Variants in PTPRM observed in about 807,000 individuals in gnomAD.
The protein encoded by PTPRM is protein tyrosine phosphatase receptor type M, also known as receptor-type tyrosine-protein phosphatase mu.
In PTPRM, 47 loss-of-function variants were observed where a neutral mutation model predicts 186.7. The observed-to-expected ratio is 0.25, with a 90% CI of 0.20 to 0.32. PTPRM has a LOEUF of 0.32. PTPRM is among the 10% of genes least tolerant of loss of function. The pLI, the probability that PTPRM is intolerant of heterozygous loss-of-function variation, is 1.00. For synonymous variants in PTPRM, 668 were observed against 674.9 expected (o/e 0.99, Z 0.16); for missense variants, 1,494 against 1,865.0 (o/e 0.80, Z 3.66).
At chr18:7,633,283 C>T (rs2038234430) in intron 1 of PTPRM, among the ~76,000 whole-genome samples, 3 of 152,126 alleles carry the variant, frequency 2.0e-5, no homozygotes, top group African/African-American at 7.2e-5. Context: ...GCAACCATTC[C>T]TTGATGAAAT....
chr18:7,618,432 T>C (rs192682177), intron 1 of PTPRM, among the ~76,000 whole-genome samples: 9 of 152,322 alleles, frequency 5.9e-5, no homozygotes, highest in Admixed American at 5.2e-4. Flanking sequence ...TTATCACAGT[T>C]TGAAACTTCT....
At chr18:7,814,754 TC>T (rs1305996100) in intron 2 of PTPRM, 1 of 152,208 alleles carries the variant, frequency 6.6e-6, no homozygotes, top group Non-Finnish European at 1.5e-5. Flanking sequence ...AGAATGTCCC[TC>T]AAACCTGTCC....
intron 19 of PTPRM, among the ~76,000 whole-genome samples, chr18:8,260,942 C>T (rs559942994): frequency 6.6e-6 from 1 of 152,298 alleles, no homozygotes; most frequent in Admixed American, 6.5e-5. Context: ...TGCACAGCAG[C>T]CCCTTCGCTG....
chr18:7,602,125 T>C (rs745504710), intron 1 of PTPRM, among the ~76,000 whole-genome samples: 24 of 152,146 alleles, frequency 1.6e-4, no homozygotes, highest in Non-Finnish European at 2.6e-4. Context: ...CAGCAATGAA[T>C]TGGCCGTCTC....
chr18:7,568,638 T>C lies in PTPRM; in HGVS notation c.73+747T>C, dbSNP rs2036494825. Among the ~76,000 whole-genome samples, 1 of 152,180 alleles carries C rather than the reference T, an allele frequency of 6.6e-6. No individual in the cohort carries two copies. The highest frequency in any genetic ancestry group is 2.1e-4 in the South Asian group (1 of 4,834). ...GCGGAGCGCCGCGGCCAGCTGCAAC[T>C]TGTTCATCCAGCCCGGCTGCCCGGG... On this transcript the variant is annotated intron_variant, in intron 1 of 32. Transcript: ENST00000580170. The surrounding 1 kb of genome is among the most constrained non-coding windows in gnomAD (Gnocchi z 5.1).
At position 7,942,650 on chromosome 18, in the gene PTPRM, G is replaced by A. The variant is rs145035929; in HGVS notation, c.664-6531G>A. Among the ~76,000 whole-genome samples the A allele has an allele frequency of 2.2e-3, 337 of 151,766 alleles. 5 individuals are homozygous for A. The highest frequency in any genetic ancestry group is 7.8e-3 in the African/African-American group (322 of 41,396). ...TTTCTGTGTCCTGCTTGGTGGGGGG[G>A]CGGGGAGGGAATGGTCTGCATGATC... On this transcript the variant is annotated intron_variant, in intron 5 of 32. Transcript: ENST00000580170.
intron 31 of PTPRM, among the ~76,000 whole-genome samples, chr18:8,393,779 TTTGTTGTTGTTG>T (rs71356214): frequency 6.6e-6 from 1 of 151,014 alleles, no homozygotes. Context: ...TGCCAATGGA[TTTGTTGTTGTTG>T]TTGTTGTTGT....
chr18:8,101,155 A>C (rs1232386797), intron 11 of PTPRM, among the ~76,000 whole-genome samples: 1 of 152,224 alleles, frequency 6.6e-6, no homozygotes, highest in Non-Finnish European at 1.5e-5. Context: ...TGTTGTTAAG[A>C]AGCATAAAGA....
At chr18:8,085,352 ATTTTG>A (rs899705777) in intron 9 of PTPRM, among the ~76,000 whole-genome samples, 3 of 152,094 alleles carry the variant, frequency 2.0e-5, no homozygotes, top group African/African-American at 7.2e-5. Context: ...ATATTTTCTT[ATTTTG>A]TTCTAAACCC....
chr18:7,991,756 C>T (rs1051641368), intron 7 of PTPRM, among the ~76,000 whole-genome samples: 2 of 151,992 alleles, frequency 1.3e-5, no homozygotes, highest in Admixed American at 6.6e-5. Flanking sequence ...TGTTGATTGT[C>T]CACATGGTTT....
intron 7 of PTPRM, among the ~76,000 whole-genome samples, chr18:7,984,107 A>C (rs908403916): frequency 8.5e-5 from 13 of 152,314 alleles, no homozygotes; most frequent in South Asian, 8.3e-4. Context: ...GATAGGAAGC[A>C]GCCTCATGCT....
intron 1 of PTPRM, among the ~76,000 whole-genome samples, chr18:7,708,868 G>A (rs1292358637): frequency 6.6e-6 from 1 of 152,004 alleles, no homozygotes; most frequent in African/African-American, 2.4e-5. Flanking sequence ...GCTTAAAATT[G>A]CTTATTTAAT....
chr18:7,619,040 A>G (rs1358496030), intron 1 of PTPRM, among the ~76,000 whole-genome samples: 1 of 152,170 alleles, frequency 6.6e-6, no homozygotes, highest in Non-Finnish European at 1.5e-5. Flanking sequence ...TTGAATAGAG[A>G]GGTCTTTACT....
chr18:7,639,883 C>T (rs2038406527), intron 1 of PTPRM, among the ~76,000 whole-genome samples: 2 of 152,096 alleles, frequency 1.3e-5, no homozygotes, highest in Admixed American at 1.3e-4. Context: ...TGAAAATTTA[C>T]CCAAAGAGTA....
chr18:7,662,863 A>G lies in PTPRM; in HGVS notation c.73+94972A>G, dbSNP rs565386951. 2.6e-5 allele frequency among the ~76,000 whole-genome samples: 4 copies of G among 152,286 alleles called. No homozygotes were observed. In the East Asian group the frequency reaches 7.7e-4, roughly 29 times the overall value. ...TCAGTATGGATACCTATTATAATGTATCCACAAAAAAATTAAGAATTAAAA... is the reference window on the plus strand; with the variant it reads ...TCAGTATGGATACCTATTATAATGTGTCCACAAAAAAATTAAGAATTAAAA... On this transcript the variant is annotated intron_variant, in intron 1 of 32. Transcript: ENST00000580170.
chr18:8,143,689 C>A lies in PTPRM; in HGVS notation c.2210C>A (p.Thr737Lys), dbSNP rs1483597593. 1 of 1,608,630 alleles carries A rather than the reference C, an allele frequency of 6.2e-7. No homozygotes were observed. The change falls in exon 14 of 33, where the codon ACA (threonine) becomes AAA (lysine). Residue 737 changes from threonine to lysine, a missense_variant. Coordinates refer to ENST00000580170, the MANE Select transcript of PTPRM (RefSeq NM_001105244.2). ...CCAGTCCCAGAACCCGAGAAACAGA[C>A]AGACCATACAGTTAAAATTGCTGGA... ...PKPVPEPEKQ[T>K]DHTVKIAGVI...
At chr18:7,988,013 CAAAAAAAAAAAA>C (rs57611700) in intron 7 of PTPRM, among the ~76,000 whole-genome samples, 1 of 112,422 alleles carries the variant, frequency 8.9e-6, no homozygotes, top group Admixed American at 9.5e-5. Context: ...CCTGTGTCTA[CAAAAAAAAAAAA>C]AAAAAAAAAA....
intron 1 of PTPRM, among the ~76,000 whole-genome samples, chr18:7,764,977 A>G (rs969477465): frequency 1.3e-5 from 2 of 152,238 alleles, no homozygotes; most frequent in South Asian, 4.1e-4. Context: ...CAGGGAATTC[A>G]TGCAAGTGGT....
At chr18:7,774,105 GT>G in intron 1 of PTPRM, 43 bp from the exon 2 acceptor site, 1 of 1,563,786 alleles carries the variant, frequency 6.4e-7, no homozygotes, top group Non-Finnish European at 8.8e-7. Context: ...TATTCTAGAG[GT>G]CTGGTTGGTA....
Sources: allele counts gnomAD v4.1 joint callset (sites outside exome capture counted in the v4.1 genomes callset), GRCh38; gene constraint gnomAD v4.1.1; non-coding constraint Gnocchi (gnomAD v3.1); transcripts MANE v1.5; gene names NCBI Gene and HGNC (gene_info 2026-07-23, HGNC 2026-07-21).